LRP6: variants seen among roughly 807,000 people sequenced by gnomAD.
LRP6 encodes the protein LDL receptor related protein 6, also known as low-density lipoprotein receptor-related protein 6.
In LRP6, 43 loss-of-function variants were observed where a neutral mutation model predicts 184.1. The ratio of observed to expected loss-of-function variants is 0.23; its 90% CI spans 0.18 to 0.30. The LOEUF (loss-of-function observed/expected upper bound fraction) is 0.30. LRP6 is among the 10% of genes least tolerant of loss of function. The pLI is 1.00. For synonymous variants in LRP6, 719 were observed against 684.9 expected (o/e 1.05, Z -0.78); for missense variants, 1,571 against 2,005.3 (o/e 0.78, Z 4.14).
In LRP6 at chr12:12,252,175, G is replaced by A. The variant is rs58354060; in HGVS notation, c.56-7520C>T. Among the ~76,000 whole-genome samples the A allele has an allele frequency of 4.8e-3, 723 of 152,096 alleles. 4 individuals are homozygous for A. Among genetic ancestry groups the A allele is most frequent in the African/African-American group, 0.016 (660 of 41,486 alleles). On this transcript the variant is annotated intron_variant, in intron 1 of 22. Transcript: ENST00000261349. The stretch of plus-strand genomic sequence containing the variant: ...ACTGAGATTACAGGCATGGGCCACC[G>A]CACTGAACTAAAATCTTTTTTTTTT...
chr12:12,184,657 T>G (rs1236611074), intron 4 of LRP6, among the ~76,000 whole-genome samples: 1 of 152,186 alleles, frequency 6.6e-6, no homozygotes, highest in Non-Finnish European at 1.5e-5. Context: ...AGGTTAAGGT[T>G]TCTACTGACT....
intron 3 of LRP6, among the ~76,000 whole-genome samples, chr12:12,188,584 G>A (rs1306482812): frequency 6.6e-6 from 1 of 152,168 alleles, no homozygotes; most frequent in East Asian, 1.9e-4. Context: ...GTCTGTGATT[G>A]CACATGGAAT....
intron 21 of LRP6, 142 bp downstream of exon 21, chr12:12,125,154 G>A: frequency 2.4e-6 from 2 of 840,434 alleles, no homozygotes; most frequent in South Asian, 1.5e-5. Context: ...GTGGTGTGTG[G>A]TAAGTCCTTT....
intron 3 of LRP6, among the ~76,000 whole-genome samples, chr12:12,194,368 G>A (rs1229308279): frequency 2.6e-5 from 4 of 151,944 alleles, no homozygotes; most frequent in African/African-American, 4.8e-5. Context: ...CTCAGATGAA[G>A]GAAAAAAACT....
At chr12:12,197,820 G>T (rs1465585364) in intron 3 of LRP6, among the ~76,000 whole-genome samples, 2 of 152,206 alleles carry the variant, frequency 1.3e-5, no homozygotes, top group Non-Finnish European at 2.9e-5. Flanking sequence ...GAGACAGGTG[G>T]ATCACTTGAG....
intron 3 of LRP6, among the ~76,000 whole-genome samples, chr12:12,196,952 C>T (rs1366816108): frequency 2.0e-5 from 3 of 152,074 alleles, no homozygotes; most frequent in Non-Finnish European, 2.9e-5. Context: ...GCAATTCTGC[C>T]ATTTCTTTTT....
At chr12:12,153,187 A>T (rs1308041127) in intron 12 of LRP6, among the ~76,000 whole-genome samples, 1 of 152,180 alleles carries the variant, frequency 6.6e-6, no homozygotes, top group East Asian at 1.9e-4. Flanking sequence ...CAAGAAAAAA[A>T]TTTTTAAAGG....
intron 3 of LRP6, among the ~76,000 whole-genome samples, chr12:12,189,278 C>T (rs1332819209): frequency 6.6e-6 from 1 of 152,158 alleles, no homozygotes; most frequent in Non-Finnish European, 1.5e-5. Flanking sequence ...ATCCTCACTG[C>T]GTTAATGTGA....
chr12:12,160,934 T>C (rs904580176), intron 10 of LRP6, among the ~76,000 whole-genome samples: 2 of 152,262 alleles, frequency 1.3e-5, no homozygotes, highest in East Asian at 3.8e-4. Context: ...TGTCAGCTGA[T>C]AGCTGACTTG....
chr12:12,244,688 A>G, intron 1 of LRP6, 33 bp from the exon 2 acceptor site: 1 of 1,608,794 alleles, frequency 6.2e-7, no homozygotes, highest in Non-Finnish European at 8.5e-7. Flanking sequence ...TGTAAGTGAA[A>G]AGGAAGAAAA....
intron 22 of LRP6, among the ~76,000 whole-genome samples, chr12:12,122,844 A>C (rs1194518483): frequency 6.6e-6 from 1 of 151,256 alleles, no homozygotes; most frequent in Non-Finnish European, 1.5e-5. Flanking sequence ...AAAAAATAAA[A>C]ATAAAAATAA....
At chr12:12,169,524 A>T (rs1862975144) in intron 7 of LRP6, among the ~76,000 whole-genome samples, 1 of 152,200 alleles carries the variant, frequency 6.6e-6, no homozygotes, top group Non-Finnish European at 1.5e-5. Flanking sequence ...GCAAACAATG[A>T]AAAGAAAAAG....
chr12:12,125,146 G>T, intron 21 of LRP6, 150 bp downstream of exon 21: 1 of 763,842 alleles, frequency 1.3e-6, no homozygotes, highest in Non-Finnish European at 2.2e-6. Flanking sequence ...CATGGATGGT[G>T]GTGTGTGGTA....
intron 1 of LRP6, among the ~76,000 whole-genome samples, chr12:12,265,581 G>A (rs1036991189): frequency 6.6e-6 from 1 of 152,154 alleles, no homozygotes; most frequent in African/African-American, 2.4e-5. Context: ...GCGACCAGCG[G>A]TCACATGCCT....
intron 4 of LRP6, among the ~76,000 whole-genome samples, chr12:12,186,535 C>CA (rs1863479902): frequency 6.6e-6 from 1 of 151,674 alleles, no homozygotes; most frequent in Non-Finnish European, 1.5e-5. Context: ...CACACTACCA[C>CA]ACCCCATTAA....
rs1236426595 is a variant in LRP6, at chr12:12,186,986, T to C, written c.781A>G (p.Ile261Val). The change falls in exon 4 of 23, where the codon ATC (isoleucine) becomes GTC (valine). Residue 261 changes from isoleucine to valine, a missense_variant. Ile to Val is a conservative substitution (Grantham distance 29). Around this residue, in one of 4 missense-constraint regions of LRP6, gnomAD observed 640 missense variants for 851.9 expected, o/e 0.75. Transcript: ENST00000261349. ...NKYTGEGLREIHSDIFSPMDI... is the reference protein window; with the variant it reads ...NKYTGEGLREVHSDIFSPMDI... ...ATGGGAGAGAAGATGTCAGAATGGA[T>C]TTCACGCAGACCCTCACCAGTATAC... 6.2e-7 allele frequency: 1 copy of C among 1,614,144 alleles called. No homozygotes were observed. Among genetic ancestry groups the C allele is most frequent in the African/African-American group, 1.3e-5 (1 of 75,024 alleles).
At chr12:12,133,486 C>T (rs1051820952) in intron 17 of LRP6, among the ~76,000 whole-genome samples, 3 of 152,070 alleles carry the variant, frequency 2.0e-5, no homozygotes, top group Admixed American at 6.5e-5. Context: ...TCTTCACCCC[C>T]GCCATCAAAG....
At chr12:12,156,939 T>C (rs1862597625) in intron 12 of LRP6, among the ~76,000 whole-genome samples, 1 of 152,238 alleles carries the variant, frequency 6.6e-6, no homozygotes, top group African/African-American at 2.4e-5. Context: ...TGCCTGTTTC[T>C]GTAATAAAGT....
chr12:12,164,221 A>G (rs1354792656), intron 9 of LRP6, 52 bp downstream of exon 9: 5 of 1,535,386 alleles, frequency 3.3e-6, no homozygotes, highest in East Asian at 2.2e-5. Flanking sequence ...CAGAAATTCT[A>G]GAAGTTCTCC....
Sources: gnomAD v4.1 joint callset for allele counts (sites outside exome capture counted in the v4.1 genomes callset) on GRCh38, gnomAD v4.1.1 for gene constraint, gnomAD v4.1.1 regional missense constraint, MANE v1.5 for transcripts, NCBI Gene and HGNC (gene_info 2026-07-23, HGNC 2026-07-21) for gene names.